The following PGAP6 variants were observed in gnomAD, a reference collection of about 807,000 sequenced individuals.
PGAP6 encodes the protein post-GPI attachment to proteins 6, also known as post-GPI attachment to proteins factor 6.
In PGAP6, 62 loss-of-function variants were observed where a neutral mutation model predicts 68.4. The ratio of observed to expected loss-of-function variants is 0.91; its 90% CI spans 0.74 to 1.12. The LOEUF (loss-of-function observed/expected upper bound fraction) is 1.12, where lower values mean the gene tolerates loss of function less well. Among genes scored for constraint, PGAP6 ranks in the 50% most tolerant of loss-of-function variants. The pLI is 0.00. For missense variants in PGAP6, 1,188 were observed against 1,068.5 expected (o/e 1.11, Z -1.56); for synonymous variants, 575 against 474.0 (o/e 1.21, Z -2.77).
chr16:376,903 C>A, intron 4 of PGAP6, 91 bp from the exon 5 acceptor site: 2 of 1,562,862 alleles, frequency 1.3e-6, no homozygotes, highest in Non-Finnish European at 1.7e-6. Context: ...TCAGCCCACT[C>A]TGGTGGGGGC....
intron 4 of PGAP6, 28 bp downstream of exon 4, chr16:377,009 C>T (rs1405324632): frequency 2.5e-6 from 4 of 1,611,008 alleles, no homozygotes; most frequent in Admixed American, 1.7e-5. Flanking sequence ...GAGGGCAGAG[C>T]CGGGCTGCCC....
rs781139660 is a variant in PGAP6, at chr16:374,417, C to G, written c.1577-18G>C. The G allele has an allele frequency of 1.9e-6, 3 of 1,550,256 alleles. No individual in the cohort carries two copies. The highest frequency in any genetic ancestry group is 1.7e-6 in the Non-Finnish European group (2 of 1,152,620). ...ACGCCAGCCTGCGGTCACAAAACCCCGACGCGGAGGCTGGGGGCACTGCTG... is the reference window on the plus strand; with the variant it reads ...ACGCCAGCCTGCGGTCACAAAACCCGGACGCGGAGGCTGGGGGCACTGCTG... On this transcript the variant is annotated intron_variant, in intron 9 of 12. Transcript: ENST00000431232.
At chr16:372,446 G>T in intron 12 of PGAP6, 163 bp from the exon 13 acceptor site, 1 of 973,838 alleles carries the variant, frequency 1.0e-6, no homozygotes. Flanking sequence ...TCAGGCCCAG[G>T]CCTCAGGGAC....
chr16:383,972 T>C (rs996071299), upstream of PGAP6, among the ~76,000 whole-genome samples: 3 of 152,188 alleles, frequency 2.0e-5, no homozygotes, highest in Non-Finnish European at 4.4e-5. Flanking sequence ...GACCCTTTGT[T>C]TCCCGGGAAT....
chr16:386,864 C>T, upstream of PGAP6: 2 of 690,144 alleles, frequency 2.9e-6, no homozygotes, highest in East Asian at 3.3e-5. Context: ...GTGTCCACAG[C>T]CACATAAAAA....
chr16:377,782 C>A lies in PGAP6; in HGVS notation c.188G>T (p.Gly63Val). 1 of 1,584,576 alleles carries A rather than the reference C, an allele frequency of 6.3e-7. No homozygotes were observed. The highest frequency in any genetic ancestry group is 8.6e-7 in the Non-Finnish European group (1 of 1,166,024). The change falls in exon 2 of 13, where the codon GGC (glycine) becomes GTC (valine). Residue 63 changes from glycine (G) to valine (V), a missense_variant. Gly to Val is a moderately radical substitution (Grantham distance 109, BLOSUM62 -3). Coordinates refer to ENST00000431232, the MANE Select transcript of PGAP6 (RefSeq NM_021259.3). ...PQRLSFYSWY[G>V]SARLFRFRVP... is the part of the protein sequence containing the mutation. ...GCGGAAGCGGAAGAGCCTGGCACTGCCGTACCAGCTGTAGAAGGACAGCCT... is the reference window on the plus strand; with the variant it reads ...GCGGAAGCGGAAGAGCCTGGCACTGACGTACCAGCTGTAGAAGGACAGCCT...
chr16:375,024 C>G, intron 8 of PGAP6, 109 bp downstream of exon 8: 1 of 1,572,672 alleles, frequency 6.4e-7, no homozygotes, highest in Non-Finnish European at 8.7e-7. Context: ...CTGGAGGAAG[C>G]ACCCCTCTAG....
chr16:376,489 A>G, intron 5 of PGAP6, 34 bp from the exon 6 acceptor site: 1 of 1,545,618 alleles, frequency 6.5e-7, no homozygotes, highest in Non-Finnish European at 8.7e-7. Context: ...GCTGGAGGAA[A>G]GTCTGGGGAT....
At chr16:376,497 G>C in intron 5 of PGAP6, 42 bp from the exon 6 acceptor site, 1 of 1,545,560 alleles carries the variant, frequency 6.5e-7, no homozygotes, top group Non-Finnish European at 8.7e-7. Context: ...AAAGTCTGGG[G>C]ATCTGGGGAG....
At chr16:380,863 G>GCACC (rs2054431242) in intron 1 of PGAP6, among the ~76,000 whole-genome samples, 1 of 152,220 alleles carries the variant, frequency 6.6e-6, no homozygotes, top group South Asian at 2.1e-4. Context: ...GGGCACCTGG[G>GCACC]CACCCGCGTG....
At chr16:374,426 G>A in intron 9 of PGAP6, 27 bp from the exon 10 acceptor site, 1 of 1,536,346 alleles carries the variant, frequency 6.5e-7, no homozygotes, top group South Asian at 1.2e-5. Context: ...CCGACGCGGA[G>A]GCTGGGGGCA....
chr16:375,841 C>A (rs775547555), intron 6 of PGAP6, among the ~76,000 whole-genome samples: 4 of 152,194 alleles, frequency 2.6e-5, no homozygotes, highest in Non-Finnish European at 5.9e-5. Flanking sequence ...GTGCTGGTGC[C>A]TTTCTCTGAG....
At chr16:376,928 A>T in intron 4 of PGAP6, 109 bp downstream of exon 4, 1 of 1,559,706 alleles carries the variant, frequency 6.4e-7, no homozygotes, top group Non-Finnish European at 8.6e-7. Flanking sequence ...CATCTGGACC[A>T]CTTCCCAGCC....
chr16:372,862 C>A, intron 11 of PGAP6, 135 bp from the exon 12 acceptor site: 1 of 633,022 alleles, frequency 1.6e-6, no homozygotes, highest in Middle Eastern at 4.1e-4. Flanking sequence ...CCAGCTCTGC[C>A]AGCCTCTGAC....
intron 9 of PGAP6, 65 bp from the exon 10 acceptor site, chr16:374,464 C>T: frequency 6.9e-7 from 1 of 1,454,194 alleles, no homozygotes; most frequent in South Asian, 1.4e-5. Flanking sequence ...CCACCCCTCA[C>T]CCAGGACCCT....
upstream of PGAP6, among the ~76,000 whole-genome samples, chr16:384,093 T>A (rs146235337): frequency 3.2e-4 from 48 of 152,298 alleles, no homozygotes; most frequent in South Asian, 4.8e-3. Flanking sequence ...GTGATTTGAG[T>A]GTGCTGTGCC....
At chr16:386,500 G>T (rs1274233999), upstream of PGAP6, among the ~76,000 whole-genome samples, 1 of 152,130 alleles carries the variant, frequency 6.6e-6, no homozygotes, top group Non-Finnish European at 1.5e-5. Context: ...GGCAGGAGGA[G>T]TGCAGACCGT....
At chr16:378,809 C>A (rs1248187570) in intron 1 of PGAP6, among the ~76,000 whole-genome samples, 1 of 152,240 alleles carries the variant, frequency 6.6e-6, no homozygotes, top group African/African-American at 2.4e-5. Context: ...GAAGCCTGGC[C>A]AGTCATGAGA....
At chr16:377,876 G>A (rs745517669) in intron 1 of PGAP6, 28 bp from the exon 2 acceptor site, 1 of 1,530,320 alleles carries the variant, frequency 6.5e-7, no homozygotes, top group Middle Eastern at 2.1e-4. Context: ...TGTCAGCCAG[G>A]CCGGGACCCT....
Sources: gnomAD v4.1 joint callset for allele counts (sites outside exome capture counted in the v4.1 genomes callset) on GRCh38, gnomAD v4.1.1 for gene constraint, MANE v1.5 for transcripts, NCBI Gene and HGNC (gene_info 2026-07-23, HGNC 2026-07-21) for gene names.